Variants in RAPGEFL1 observed in about 807,000 individuals in gnomAD.
RAPGEFL1 encodes the protein Rap guanine nucleotide exchange factor like 1, also known as rap guanine nucleotide exchange factor-like 1.
Under a neutral mutation model 64.4 loss-of-function variants are expected in RAPGEFL1, and 31 were observed. That is an observed-to-expected ratio of 0.48 (90% CI 0.36 to 0.65). The LOEUF is 0.65. Ranked by LOEUF, RAPGEFL1 falls within the 30% of genes least tolerant of loss-of-function variation. The pLI, the probability that RAPGEFL1 is intolerant of heterozygous loss-of-function variation, is 0.00. For synonymous variants in RAPGEFL1, 331 were observed against 274.1 expected, an observed-to-expected ratio of 1.21 and a Z score of -2.05; for missense variants, 682 against 677.4, an observed-to-expected ratio of 1.01 and a Z score of -0.08.
At chr17:40,180,825 G>T (rs1017829180) in intron 1 of RAPGEFL1, among the ~76,000 whole-genome samples, 4 of 152,222 alleles carry the variant, frequency 2.6e-5, no homozygotes, top group Admixed American at 6.5e-5. Flanking sequence ...AGTGCCTGGG[G>T]ACCTGGCCCT....
At chr17:40,192,026 C>G (rs547657801) in intron 10 of RAPGEFL1, among the ~76,000 whole-genome samples, 187 bp from the exon 11 acceptor site, 1 of 152,178 alleles carries the variant, frequency 6.6e-6, no homozygotes, top group Non-Finnish European at 1.5e-5. Context: ...TAATGAATTC[C>G]TCTGGGCTGT....
chr17:40,191,747 G>A lies in RAPGEFL1; in HGVS notation c.1605+75G>A. 2.1e-6 allele frequency: 3 copies of A among 1,441,812 alleles called. No individual in the cohort carries two copies. Among genetic ancestry groups the A allele is most frequent in the Non-Finnish European group, 1.9e-6 (2 of 1,045,550 alleles). 89.3% of individuals were successfully genotyped at this position (1,441,812 alleles called of 1,614,324 possible). ...CCCCGAAGTGCGTCCTCCCGGGACGGCCGCCGGCCTGGAGGGAGTCTTTGC... is the reference window on the plus strand; with the variant it reads ...CCCCGAAGTGCGTCCTCCCGGGACGACCGCCGGCCTGGAGGGAGTCTTTGC... On this transcript the variant is annotated intron_variant, in intron 10 of 14. Transcript: ENST00000620260. The surrounding 1 kb of genome is among the most constrained non-coding windows in gnomAD (Gnocchi z 5.1).
chr17:40,186,531 G>GCAGT (rs1230116379), intron 4 of RAPGEFL1, among the ~76,000 whole-genome samples: 1 of 129,624 alleles, frequency 7.7e-6, no homozygotes, highest in African/African-American at 2.9e-5. Context: ...TTGCGCCACT[G>GCAGT]CAGTCCGCAG....
rs1990247431 is a variant in RAPGEFL1 at position 40,191,156 on chromosome 17, C to T, written c.1336-160C>T. The T allele has an allele frequency of 4.4e-6, 3 of 677,754 alleles. No homozygotes were observed. Among genetic ancestry groups the T allele is most frequent in the African/African-American group, 1.9e-5 (1 of 53,862 alleles). 42.0% of individuals were successfully genotyped at this position (677,754 alleles called of 1,614,324 possible). On this transcript the variant is annotated intron_variant, in intron 8 of 14. Coordinates refer to ENST00000620260, the MANE Select transcript of RAPGEFL1 (RefSeq NM_016339.6). The surrounding 1 kb of genome is among the most constrained non-coding windows in gnomAD (Gnocchi z 5.1). ...ATTAATGCTGGTTGTTTTCTTTTTC[C>T]GCATCTTTGCCGCCTCCTGTCCTTT...
At chr17:40,182,803 A>G (rs1462313022) in intron 2 of RAPGEFL1, among the ~76,000 whole-genome samples, 2 of 152,200 alleles carry the variant, frequency 1.3e-5, no homozygotes, top group Non-Finnish European at 2.9e-5. Context: ...TGGGCCTCTC[A>G]CAGAGTTATT....
chr17:40,177,473 T>TC lies in RAPGEFL1; in HGVS notation c.-384dup, dbSNP rs547237968. 173 of 623,278 alleles carry TC rather than the reference T, an allele frequency of 2.8e-4. No individual in the cohort carries two copies. In the East Asian group the frequency reaches 4.5e-3, roughly 16 times the overall value. 38.6% of individuals were successfully genotyped at this position (623,278 alleles called of 1,614,324 possible). ...GGGCGCGGTCTCGGTTCTGCCACCT[T>TC]CCCCCTCTTCACGGCCAGGAGCGCA... On this transcript the variant is annotated 5_prime_UTR_variant, in exon 1 of 15. Transcript: ENST00000620260.
At chr17:40,177,015 G>T, upstream of RAPGEFL1, 1 of 701,126 alleles carries the variant, frequency 1.4e-6, no homozygotes, top group South Asian at 1.5e-5. Flanking sequence ...CACCTATTGT[G>T]CCCTACCAGA....
At chr17:40,179,835 C>T (rs1362380378) in intron 1 of RAPGEFL1, among the ~76,000 whole-genome samples, 1 of 152,206 alleles carries the variant, frequency 6.6e-6, no homozygotes, top group Non-Finnish European at 1.5e-5. Flanking sequence ...CTCCTAGATC[C>T]TTCTCAAGAC....
intron 2 of RAPGEFL1, among the ~76,000 whole-genome samples, chr17:40,182,331 A>G (rs951737807): frequency 6.6e-6 from 1 of 151,936 alleles, no homozygotes; most frequent in African/African-American, 2.4e-5. Context: ...ATTTATTTTG[A>G]GATGGAGTCT....
At chr17:40,186,963 A>G (rs1013247173) in intron 4 of RAPGEFL1, among the ~76,000 whole-genome samples, 4 of 151,118 alleles carry the variant, frequency 2.6e-5, no homozygotes, top group African/African-American at 2.4e-5. Context: ...ATTTGATTAT[A>G]AATTTTATGT....
At chr17:40,181,513 T>G in intron 1 of RAPGEFL1, 103 bp from the exon 2 acceptor site, 1 of 680,960 alleles carries the variant, frequency 1.5e-6, no homozygotes, top group Non-Finnish European at 2.7e-6. Context: ...CCAGCCTGGC[T>G]AAAGAGAACT....
intron 2 of RAPGEFL1, among the ~76,000 whole-genome samples, chr17:40,183,835 C>CTTTTTTTTTTTTTTT (rs34505274): frequency 1.8e-5 from 1 of 56,876 alleles, no homozygotes; most frequent in Non-Finnish European, 3.1e-5. Context: ...TTTTTTTTGC[C>CTTTTTTTTTTTTTTT]TTTTTTTTTT....
intron 3 of RAPGEFL1, 58 bp from the exon 4 acceptor site, chr17:40,184,521 CAG>C (rs1989999980): frequency 2.4e-6 from 3 of 1,229,650 alleles, no homozygotes. Context: ...CCGGCCCCTG[CAG>C]AGAGTAGCCC....
Position 40,191,557 on chromosome 17 carries a change from CT to C in RAPGEFL1, c.1515-24del. ...CGGAGGCCCGCGCCGCCGCCCGCCC[CT>C]GACCCCGCCTCCCACCCCCGCAGCT... On this transcript the variant is annotated intron_variant, in intron 9 of 14. Coordinates refer to ENST00000620260, the MANE Select transcript of RAPGEFL1 (RefSeq NM_016339.6). The surrounding 1 kb of genome is among the most constrained non-coding windows in gnomAD (Gnocchi z 5.1). 6.4e-7 allele frequency: 1 copy of C among 1,574,418 alleles called. No homozygotes were observed. The highest frequency in any genetic ancestry group is 8.6e-7 in the Non-Finnish European group (1 of 1,161,630).
In RAPGEFL1 at chr17:40,178,098, G is replaced by A. The variant is rs944289279; in HGVS notation, c.237G>A (p.Pro79=). The A allele has an allele frequency of 3.4e-6, 2 of 583,476 alleles. No individual in the cohort carries two copies. Among genetic ancestry groups the A allele is most frequent in the Admixed American group, 3.1e-5 (1 of 31,982 alleles). The allele number at this position is 583,476 out of a possible 1,614,324, so 36.1% of individuals were successfully genotyped here. The change falls in exon 1 of 15, where the codon CCG becomes CCA. Residue 79 remains proline (P), a synonymous_variant. Transcript: ENST00000620260. ...CCCCCGCCGAGCCGGGGCTGGAGCC[G>A]CCCCCTGAGGAGGAAGGAGGAGAGC... ...REPPAEPGLE[P]PPEEEGGEPA...
At position 40,177,690 on chromosome 17, in the gene RAPGEFL1, C is replaced by G; in HGVS notation, c.-172C>G. 2.4e-6 allele frequency: 1 copy of G among 412,982 alleles called. No homozygotes were observed. Among genetic ancestry groups the G allele is most frequent in the Non-Finnish European group, 4.2e-6 (1 of 237,986 alleles). The allele number at this position is 412,982 out of a possible 1,614,324, so 25.6% of individuals were successfully genotyped here. ...CTCTGGCACCTCCCCCGGCTACTGGCCACTGGACTCTGGCCAGCGAGGCTC... is the reference window on the plus strand; with the variant it reads ...CTCTGGCACCTCCCCCGGCTACTGGGCACTGGACTCTGGCCAGCGAGGCTC... On this transcript the variant is annotated 5_prime_UTR_variant, in exon 1 of 15. Transcript: ENST00000620260.
chr17:40,193,521 G>A, intron 14 of RAPGEFL1, 104 bp downstream of exon 14: 1 of 1,573,988 alleles, frequency 6.4e-7, no homozygotes, highest in Non-Finnish European at 8.7e-7. Flanking sequence ...TACACTTGCT[G>A]GTTCCCCATT....
intron 4 of RAPGEFL1, among the ~76,000 whole-genome samples, chr17:40,187,772 G>A (rs1179140906): frequency 5.9e-5 from 9 of 151,660 alleles, no homozygotes; most frequent in East Asian, 3.9e-4. Flanking sequence ...CACCACGCCC[G>A]GCTAATTTTT....
At position 40,194,091 on chromosome 17, in the gene RAPGEFL1, T is replaced by G; in HGVS notation, c.*303T>G. 1 of 278,466 alleles carries G rather than the reference T, an allele frequency of 3.6e-6. No individual in the cohort carries two copies. The highest frequency in any genetic ancestry group is 6.9e-6 in the Non-Finnish European group (1 of 144,414). The allele number at this position is 278,466 out of a possible 1,614,324, so 17.2% of individuals were successfully genotyped here. ...CTGTTCTGGGGATGGAGCTTCCAAC[T>G]TCCTCTTGCAGCAGGAAAGAATGCT... On this transcript the variant is annotated 3_prime_UTR_variant, in exon 15 of 15. Coordinates refer to ENST00000620260, the MANE Select transcript of RAPGEFL1 (RefSeq NM_016339.6).
Sources: allele counts gnomAD v4.1 joint callset (sites outside exome capture counted in the v4.1 genomes callset), GRCh38; gene constraint gnomAD v4.1.1; non-coding constraint Gnocchi (gnomAD v3.1); transcripts MANE v1.5; gene names NCBI Gene and HGNC (gene_info 2026-07-23, HGNC 2026-07-21).